The following PTPRO variants were observed in gnomAD, a reference collection of about 807,000 sequenced individuals.
PTPRO encodes receptor-type tyrosine-protein phosphatase O.
In PTPRO, 62 loss-of-function variants were observed where a neutral mutation model predicts 145.2. That is an observed-to-expected ratio of 0.43 (90% CI 0.35 to 0.53). PTPRO has a LOEUF of 0.53. Ranked by LOEUF, PTPRO falls within the 20% of genes least tolerant of loss-of-function variation. PTPRO has a pLI of 0.01. For missense variants in PTPRO, 1,345 were observed against 1,482.7 expected (o/e 0.91, Z 1.53); for synonymous variants, 565 against 514.7 (o/e 1.10, Z -1.32).
At chr12:15,371,016 T>A (rs1938510818) in intron 1 of PTPRO, among the ~76,000 whole-genome samples, 1 of 152,258 alleles carries the variant, frequency 6.6e-6, no homozygotes, top group Admixed American at 6.5e-5. Flanking sequence ...ACAAAAAAAA[T>A]GGATTATGTA....
intron 12 of PTPRO, among the ~76,000 whole-genome samples, chr12:15,538,232 A>G (rs1243952211): frequency 1.1e-5 from 1 of 94,498 alleles, no homozygotes; most frequent in Non-Finnish European, 2.3e-5. Flanking sequence ...AAACCACTTT[A>G]GTGCTTCTTT....
At chr12:15,419,267 G>A (rs981805773) in intron 1 of PTPRO, among the ~76,000 whole-genome samples, 6 of 150,518 alleles carry the variant, frequency 4.0e-5, no homozygotes, top group African/African-American at 1.2e-4. Flanking sequence ...TTTTGGGGGC[G>A]GGGGAGGGGG....
At chr12:15,342,127 C>G (rs1417889268) in intron 1 of PTPRO, among the ~76,000 whole-genome samples, 4 of 152,086 alleles carry the variant, frequency 2.6e-5, no homozygotes, top group South Asian at 4.1e-4. Context: ...GTAGTACTTT[C>G]TTTTTCTTTT....
intron 7 of PTPRO, among the ~76,000 whole-genome samples, chr12:15,510,612 T>C (rs781610108): frequency 9.2e-5 from 14 of 152,116 alleles, no homozygotes; most frequent in Non-Finnish European, 1.6e-4. Flanking sequence ...AAACAGAACA[T>C]GAAATGTCCT....
intron 1 of PTPRO, among the ~76,000 whole-genome samples, chr12:15,409,533 T>C (rs1389621873): frequency 6.6e-6 from 1 of 152,214 alleles, no homozygotes; most frequent in African/African-American, 2.4e-5. Flanking sequence ...TATTAGGCTA[T>C]TCTTACATTG....
Position 15,515,599 on chromosome 12 carries a change from T to G in PTPRO, c.1566T>G (p.Asp522Glu). 6.2e-7 allele frequency: 1 copy of G among 1,614,044 alleles called. No individual in the cohort carries two copies. Among genetic ancestry groups the G allele is most frequent in the Non-Finnish European group, 8.5e-7 (1 of 1,179,970 alleles). Residue 522 changes from aspartate (D) to glutamate (E), a missense_variant, in exon 8 of 27, where the codon GAT becomes GAG. Around this residue, in one of 3 missense-constraint regions of PTPRO, gnomAD observed 1,130 missense variants for 1,214.7 expected, o/e 0.93. Transcript: ENST00000281171. The stretch of plus-strand genomic sequence containing the variant: ...GCCCTTTGATTGGACCACCTTCAGA[T>G]CCTGTGACATTTGCTATTGGTAAGT... ...RKGPLIGPPS[D>E]PVTFAIVPTG...
chr12:15,322,863 C>T lies in PTPRO; in HGVS notation c.75+62C>T. 1 of 1,543,714 alleles carries T rather than the reference C, an allele frequency of 6.5e-7. No individual in the cohort carries two copies. Among genetic ancestry groups the T allele is most frequent in the Non-Finnish European group, 8.8e-7 (1 of 1,134,278 alleles). Reference sequence around the variant, plus strand: ...CGGGCGGCAGCCGCGCTCCGGCGCCCTCGCTCTGCCGTTGGGAGCGGCGCG... The same window carrying T: ...CGGGCGGCAGCCGCGCTCCGGCGCCTTCGCTCTGCCGTTGGGAGCGGCGCG... On this transcript the variant is annotated intron_variant, in intron 1 of 26. Transcript: ENST00000281171. The surrounding 1 kb of genome is among the most constrained non-coding windows in gnomAD (Gnocchi z 6.3).
intron 10 of PTPRO, among the ~76,000 whole-genome samples, chr12:15,522,968 T>G (rs1257501740): frequency 1.3e-5 from 2 of 152,222 alleles, no homozygotes; most frequent in East Asian, 3.8e-4. Flanking sequence ...TGACGAAATA[T>G]GTTGGAATAT....
intron 12 of PTPRO, among the ~76,000 whole-genome samples, chr12:15,541,183 A>G (rs1943173264): frequency 6.6e-6 from 1 of 152,210 alleles, no homozygotes; most frequent in African/African-American, 2.4e-5. Flanking sequence ...ATGATTGAAA[A>G]TGTCATTTAG....
At chr12:15,555,063 C>T (rs1253232969) in intron 15 of PTPRO, among the ~76,000 whole-genome samples, 1 of 124,492 alleles carries the variant, frequency 8.0e-6, no homozygotes, top group Non-Finnish European at 1.7e-5. Context: ...TGGTGAAACC[C>T]CGTCTCTACT....
chr12:15,581,295 TTTC>T (rs1391775374), intron 22 of PTPRO, among the ~76,000 whole-genome samples: 1 of 87,520 alleles, frequency 1.1e-5, no homozygotes, highest in African/African-American at 3.3e-5. Context: ...TTCTGAGTGC[TTTC>T]TTTTTTTTTT....
At chr12:15,411,655 T>C (rs968384243) in intron 1 of PTPRO, among the ~76,000 whole-genome samples, 3 of 152,252 alleles carry the variant, frequency 2.0e-5, no homozygotes, top group African/African-American at 7.2e-5. Context: ...TCATCTCAGA[T>C]CTTGCCGGAC....
intron 1 of PTPRO, among the ~76,000 whole-genome samples, chr12:15,414,569 G>T (rs1023203703): frequency 6.6e-6 from 1 of 152,082 alleles, no homozygotes; most frequent in African/African-American, 2.4e-5. Context: ...ATAGAGGTGT[G>T]CCCTTTCTGT....
chr12:15,378,653 C>T (rs1324341361), intron 1 of PTPRO, among the ~76,000 whole-genome samples: 2 of 152,090 alleles, frequency 1.3e-5, no homozygotes, highest in Non-Finnish European at 2.9e-5. Context: ...ACTTTACACA[C>T]ACACTTCTGA....
chr12:15,421,267 T>TG (rs1940137469), intron 1 of PTPRO, among the ~76,000 whole-genome samples: 1 of 152,250 alleles, frequency 6.6e-6, no homozygotes, highest in Non-Finnish European at 1.5e-5. Flanking sequence ...TCTTTCCTTC[T>TG]GGGCTGTAAA....
chr12:15,575,720 A>T (rs765098551), intron 19 of PTPRO, among the ~76,000 whole-genome samples: 23 of 152,202 alleles, frequency 1.5e-4, no homozygotes, highest in Non-Finnish European at 2.9e-5. Context: ...ACAGAAACTT[A>T]TTCTCACAAT....
At chr12:15,460,389 T>C (rs998937071) in intron 1 of PTPRO, among the ~76,000 whole-genome samples, 1 of 152,190 alleles carries the variant, frequency 6.6e-6, no homozygotes, top group African/African-American at 2.4e-5. Context: ...TACATTTTGA[T>C]GCTTTTCTCA....
At chr12:15,522,616 C>T (rs543267486) in intron 10 of PTPRO, among the ~76,000 whole-genome samples, 1 of 152,038 alleles carries the variant, frequency 6.6e-6, no homozygotes, top group South Asian at 2.1e-4. Flanking sequence ...TTGAATTTTC[C>T]AAATTGTGTG....
In PTPRO at chr12:15,431,537, A is replaced by AC. The variant is rs749162438; in HGVS notation, c.76-52436dup. Among the ~76,000 whole-genome samples the AC allele has an allele frequency of 3.9e-4, 59 of 152,244 alleles. 1 individual carries two copies. The highest frequency in any genetic ancestry group is 3.4e-3 in the Middle Eastern group (1 of 294). On this transcript the variant is annotated intron_variant, in intron 1 of 26. Transcript: ENST00000281171. ...TGTGCAACCAAATTGCCAAACTAAGACAGATCTTGTTATTTTAAAAGAACA... is the reference window on the plus strand; with the variant it reads ...TGTGCAACCAAATTGCCAAACTAAGACCAGATCTTGTTATTTTAAAAGAACA...
Sources: gnomAD v4.1 joint callset for allele counts (sites outside exome capture counted in the v4.1 genomes callset) on GRCh38, gnomAD v4.1.1 for gene constraint, gnomAD v4.1.1 regional missense constraint, Gnocchi (gnomAD v3.1) non-coding constraint, MANE v1.5 for transcripts, NCBI Gene and HGNC (gene_info 2026-07-23, HGNC 2026-07-21) for gene names.